Variants in SNX25 observed in about 807,000 individuals in gnomAD.
SNX25 encodes the protein sorting nexin 25.
SNX25 carries 62 observed loss-of-function variants against 113.7 expected under a neutral mutation model. That is an observed-to-expected ratio of 0.55 (90% confidence interval 0.44 to 0.67). The LOEUF is 0.67. Ranked by LOEUF, SNX25 falls within the 30% of genes least tolerant of loss-of-function variation. The pLI, the probability that SNX25 is intolerant of heterozygous loss-of-function variation, is 0.00. For missense variants in SNX25, 1,014 were observed against 1,161.0 expected, an observed-to-expected ratio of 0.87 and a Z score of 1.84; for synonymous variants, 421 against 436.2, an observed-to-expected ratio of 0.97 and a Z score of 0.43.
At chr4:185,258,296 C>T (rs959279178) in intron 2 of SNX25, among the ~76,000 whole-genome samples, 7 of 152,146 alleles carry the variant, frequency 4.6e-5, no homozygotes, top group Non-Finnish European at 7.3e-5. Context: ...TGAACACCAT[C>T]GGGTGCCATG....
At chr4:185,229,072 T>C (rs527475457) in intron 1 of SNX25, among the ~76,000 whole-genome samples, 12 of 152,184 alleles carry the variant, frequency 7.9e-5, no homozygotes, top group Non-Finnish European at 7.4e-5. Flanking sequence ...AGATGTGAAG[T>C]TGGAGGCCAT....
chr4:185,377,053 C>T, the SNX25 span: 2 of 1,382,600 alleles, frequency 1.4e-6, no homozygotes, highest in East Asian at 2.3e-5. Flanking sequence ...CCATCAACCA[C>T]ACAATATGAA....
chr4:185,311,215 A>G (rs979022661), intron 7 of SNX25, among the ~76,000 whole-genome samples: 2 of 152,220 alleles, frequency 1.3e-5, no homozygotes, highest in Non-Finnish European at 2.9e-5. Context: ...CCACAATATT[A>G]TGAAATTTCT....
intron 2 of SNX25, among the ~76,000 whole-genome samples, chr4:185,250,231 A>G (rs1173656575): frequency 1.3e-5 from 2 of 152,220 alleles, no homozygotes; most frequent in Non-Finnish European, 1.5e-5. Context: ...CCTCTGGTTC[A>G]TGGCCTTTCC....
rs148711962 is a variant in SNX25, at chr4:185,266,411, A to T, written c.905-558A>T. On this transcript the variant is annotated intron_variant, in intron 4 of 18. Transcript: ENST00000652585. The stretch of plus-strand genomic sequence containing the variant: ...AGTCTCACTCTGTCGCCAAGGCTGG[A>T]GTGCAGTGGCGAGATCTCGGCTCAC... Among the ~76,000 whole-genome samples the T allele has an allele frequency of 6.5e-3, 997 of 152,246 alleles. 3 individuals are homozygous for T. The highest frequency in any genetic ancestry group is 0.02 in the Middle Eastern group (6 of 294).
intron 2 of SNX25, among the ~76,000 whole-genome samples, chr4:185,258,549 C>T (rs967656321): frequency 3.3e-5 from 5 of 152,106 alleles, no homozygotes; most frequent in African/African-American, 1.2e-4. Context: ...AAGTGTATTG[C>T]CACTACATAA....
In SNX25 at chr4:185,351,477, T is replaced by G. The variant is rs200967356; in HGVS notation, c.2334T>G (p.Ser778Arg). The stretch of plus-strand genomic sequence containing the variant: ...TTTCAGATGAAAGACTGTGTCAGAG[T>G]GAAGCACTTTATGCCTTCTTGAGCC... ...NLLSDERLCQ[S>R]EALYAFLSPS... Residue 778 changes from serine to arginine, a missense_variant, in exon 14 of 19, where the codon AGT (serine) becomes AGG (arginine). Coordinates refer to ENST00000652585, the MANE Select transcript of SNX25 (RefSeq NM_001378034.2). 6.2e-7 allele frequency: 1 copy of G among 1,614,194 alleles called. No individual in the cohort carries two copies.
chr4:185,336,085 A>C (rs1217417583), intron 10 of SNX25, among the ~76,000 whole-genome samples: 2 of 152,242 alleles, frequency 1.3e-5, no homozygotes, highest in African/African-American at 4.8e-5. Flanking sequence ...AGAGATGGCG[A>C]GCATAGCATT....
At chr4:185,370,669 C>G (rs1356204807), downstream of SNX25, 6 of 1,613,900 alleles carry the variant, frequency 3.7e-6, no homozygotes, top group African/African-American at 4.0e-5. Context: ...GCGGTTGTTT[C>G]ATCCCTGGTG....
At chr4:185,209,002 A>C (rs1737339945), upstream of SNX25, among the ~76,000 whole-genome samples, 1 of 152,178 alleles carries the variant, frequency 6.6e-6, no homozygotes, top group Admixed American at 6.5e-5. The surrounding 1 kb of genome is among the most constrained non-coding windows in gnomAD (Gnocchi z 5.2). Flanking sequence ...AACAAAAAAC[A>C]AAACAAAACA....
At chr4:185,305,371 C>T (rs1180259176) in intron 6 of SNX25, among the ~76,000 whole-genome samples, 1 of 152,146 alleles carries the variant, frequency 6.6e-6, no homozygotes, top group African/African-American at 2.4e-5. Flanking sequence ...AACATGATAG[C>T]ATGTTATGAG....
At chr4:185,283,910 A>T (rs1750995993) in intron 5 of SNX25, among the ~76,000 whole-genome samples, 1 of 152,250 alleles carries the variant, frequency 6.6e-6, no homozygotes, top group Admixed American at 6.5e-5. Context: ...CTCTTTAGTC[A>T]GATGGTGTGT....
chr4:185,310,795 G>A lies in SNX25; in HGVS notation c.1323G>A (p.Gly441=). The A allele has an allele frequency of 6.2e-7, 1 of 1,611,850 alleles. No homozygotes were observed. The highest frequency in any genetic ancestry group is 8.5e-7 in the Non-Finnish European group (1 of 1,179,108). ...AAGAGGATGGGGCCCTGGATGAGGG[G>A]GAAGGGCCTCAAAGCCAGAAGGTAG... ...DQQEDGALDE[G]EGPQSQKILQ... Residue 441 remains glycine, a synonymous_variant, in exon 7 of 19, where the codon GGG becomes GGA. Transcript: ENST00000652585.
At chr4:185,273,873 G>A (rs754895153) in intron 5 of SNX25, among the ~76,000 whole-genome samples, 1 of 152,086 alleles carries the variant, frequency 6.6e-6, no homozygotes, top group Non-Finnish European at 1.5e-5. Flanking sequence ...CAGGCAGTCC[G>A]GGACTTGTGG....
intron 11 of SNX25, among the ~76,000 whole-genome samples, chr4:185,369,227 CTTTTTTTTTTT>C (rs35543353): frequency 9.9e-6 from 1 of 100,930 alleles, no homozygotes; most frequent in Non-Finnish European, 1.9e-5. Flanking sequence ...ATACAGAGAG[CTTTTTTTTTTT>C]TTTTTTTTTT....
At chr4:185,313,081 T>G (rs531827015) in intron 7 of SNX25, among the ~76,000 whole-genome samples, 1 of 152,352 alleles carries the variant, frequency 6.6e-6, no homozygotes, top group South Asian at 2.1e-4. Context: ...ACCATTAACT[T>G]TATTTCAGAA....
intron 1 of SNX25, among the ~76,000 whole-genome samples, chr4:185,236,279 A>G (rs953636610): frequency 1.3e-5 from 2 of 152,010 alleles, no homozygotes; most frequent in Admixed American, 6.6e-5. Flanking sequence ...CCAATCTCCT[A>G]TAGTACCCAG....
chr4:185,310,765 C>T lies in SNX25; in HGVS notation c.1293C>T (p.Asp431=). 1 of 1,613,574 alleles carries T rather than the reference C, an allele frequency of 6.2e-7. No individual in the cohort carries two copies. The highest frequency in any genetic ancestry group is 8.5e-7 in the Non-Finnish European group (1 of 1,179,786). The change falls in exon 7 of 19, where the codon GAC becomes GAT. Residue 431 remains aspartate, a synonymous_variant. Coordinates refer to ENST00000652585, the MANE Select transcript of SNX25 (RefSeq NM_001378034.2). The stretch of plus-strand genomic sequence containing the variant: ...GAATCCTGGGAGGCCCTGCCTATGA[C>T]CAGCAAGAGGATGGGGCCCTGGATG... ...RIRILGGPAY[D]QQEDGALDEG...
chr4:185,309,209 G>A (rs766400482), intron 6 of SNX25, among the ~76,000 whole-genome samples: 7 of 152,152 alleles, frequency 4.6e-5, no homozygotes, highest in Non-Finnish European at 8.8e-5. Context: ...TCCAAGGACT[G>A]ATGGCTTAGG....
Sources: gnomAD v4.1 joint callset for allele counts (sites outside exome capture counted in the v4.1 genomes callset) on GRCh38, gnomAD v4.1.1 for gene constraint, Gnocchi (gnomAD v3.1) non-coding constraint, MANE v1.5 for transcripts, NCBI Gene and HGNC (gene_info 2026-07-23, HGNC 2026-07-21) for gene names.